RERG: variants seen among roughly 807,000 people sequenced by gnomAD.
The protein encoded by RERG is ras-related and estrogen-regulated growth inhibitor.
A neutral mutation model predicts 23.2 loss-of-function variants in RERG; 25 were observed. That is an observed-to-expected ratio of 1.08 (90% CI 0.79 to 1.50). The LOEUF is 1.50. RERG is among the 40% of genes most tolerant of loss of function. RERG has a pLI of 0.00. For missense variants in RERG, 253 were observed against 250.1 expected (o/e 1.01, Z -0.08); for synonymous variants, 81 against 89.1 (o/e 0.91, Z 0.51).
intron 2 of RERG, among the ~76,000 whole-genome samples, chr12:15,123,407 C>T (rs1863873680): frequency 6.6e-6 from 1 of 150,820 alleles, no homozygotes; most frequent in Admixed American, 6.6e-5. Context: ...GGCAAAAGAA[C>T]TCTAGAGTGC....
Position 15,110,325 on chromosome 12 carries a change from A to AT in RERG, c.193-809_193-808insA, listed in dbSNP as rs1433816152. Among the ~76,000 whole-genome samples the AT allele has an allele frequency of 4.6e-5, 7 of 152,266 alleles. No individual in the cohort carries two copies. In the East Asian group the frequency reaches 9.6e-4, roughly 21 times the overall value. ...TAAGTAGGTGGTGATGAGATGGAAA[A>AT]GTGGAAAAGTGGGTAATTCATTTCA... On this transcript the variant is annotated intron_variant, in intron 4 of 4. Transcript: ENST00000256953.
chr12:15,203,239 T>C lies in RERG; in HGVS notation c.61+14190A>G, dbSNP rs1287178309. ...TAAAATTAACCCTTTATCAAACATA[T>C]GGTTTGCAAATATTCTCCCCCATTT... On this transcript the variant is annotated intron_variant, in intron 2 of 4. Transcript: ENST00000256953. 3.3e-5 allele frequency among the ~76,000 whole-genome samples: 5 copies of C among 151,754 alleles called. No individual in the cohort carries two copies. In the East Asian group the frequency reaches 9.6e-4, roughly 29 times the overall value.
chr12:15,173,841 C>A (rs1024442140), intron 2 of RERG, among the ~76,000 whole-genome samples: 1 of 151,634 alleles, frequency 6.6e-6, no homozygotes, highest in South Asian at 2.1e-4. Flanking sequence ...CCCTGATAAA[C>A]TCATTTATAA....
chr12:15,193,029 G>A (rs944368936), intron 2 of RERG, among the ~76,000 whole-genome samples: 13 of 151,962 alleles, frequency 8.6e-5, no homozygotes, highest in Non-Finnish European at 1.5e-4. Flanking sequence ...TCTTTGTAAT[G>A]AATAAATATT....
Position 15,121,097 on chromosome 12 carries a change from G to C in RERG, c.84C>G (p.Thr28=). 6.2e-7 allele frequency: 1 copy of C among 1,613,248 alleles called. No homozygotes were observed. ...GATCATATTCCCAGATGAACCGTTT[G>C]GTCAGAAATCTCACTACAAGAGCTG... ...GKSALVVRFL[T]KRFIWEYDPT... Residue 28 remains threonine, a synonymous_variant, in exon 3 of 5, where the codon ACC becomes ACG. Transcript: ENST00000256953.
intron 2 of RERG, among the ~76,000 whole-genome samples, chr12:15,131,424 T>C (rs975956950): frequency 3.9e-5 from 6 of 152,172 alleles, no homozygotes; most frequent in Admixed American, 2.0e-4. Context: ...ACAGAATTAT[T>C]TGTAAGGTAT....
At chr12:15,170,535 C>T (rs1438665641) in intron 2 of RERG, among the ~76,000 whole-genome samples, 2 of 152,158 alleles carry the variant, frequency 1.3e-5, no homozygotes, top group Non-Finnish European at 2.9e-5. Context: ...TACAAACATG[C>T]AGAGGCCAGT....
intron 2 of RERG, among the ~76,000 whole-genome samples, chr12:15,195,577 GT>G (rs1865132910): frequency 7.7e-6 from 1 of 129,678 alleles, no homozygotes; most frequent in Non-Finnish European, 1.7e-5. Flanking sequence ...GTGTGTGTGT[GT>G]GTGTGTGTGT....
At chr12:15,140,922 C>G (rs1203815309) in intron 2 of RERG, among the ~76,000 whole-genome samples, 1 of 152,032 alleles carries the variant, frequency 6.6e-6, no homozygotes, top group East Asian at 1.9e-4. Flanking sequence ...GTTCTCTGAG[C>G]TTTTAGATGT....
At chr12:15,206,528 C>T (rs1191726880) in intron 2 of RERG, among the ~76,000 whole-genome samples, 1 of 152,122 alleles carries the variant, frequency 6.6e-6, no homozygotes, top group Non-Finnish European at 1.5e-5. Context: ...CCTAGACTAG[C>T]AGCATCAGCA....
chr12:15,182,541 A>G (rs548423268), intron 2 of RERG, among the ~76,000 whole-genome samples: 1 of 152,326 alleles, frequency 6.6e-6, no homozygotes, highest in Non-Finnish European at 1.5e-5. Flanking sequence ...TATAAAGTAC[A>G]GATCTTATTT....
At chr12:15,140,772 T>C (rs776133220) in intron 2 of RERG, among the ~76,000 whole-genome samples, 39 of 152,278 alleles carry the variant, frequency 2.6e-4, no homozygotes, top group Admixed American at 5.9e-4. Flanking sequence ...TATGTAATTC[T>C]TATACTTGCT....
intron 2 of RERG, among the ~76,000 whole-genome samples, chr12:15,176,839 A>G (rs992296709): frequency 1.3e-5 from 2 of 152,202 alleles, no homozygotes; most frequent in African/African-American, 4.8e-5. Context: ...GAAATGCGTT[A>G]TTTTCAAATA....
chr12:15,139,085 A>G (rs1239719397), intron 2 of RERG, among the ~76,000 whole-genome samples: 1 of 116,686 alleles, frequency 8.6e-6, no homozygotes, highest in Non-Finnish European at 1.8e-5. Context: ...TTAAAAAGCT[A>G]TTCTTTCTAC....
intron 3 of RERG, 74 bp from the exon 4 acceptor site, chr12:15,111,491 A>T: frequency 8.4e-7 from 1 of 1,190,028 alleles, no homozygotes; most frequent in Non-Finnish European, 1.2e-6. Context: ...TAAAACTGAA[A>T]ATGGGCATGG....
At chr12:15,198,292 T>C (rs534601872) in intron 2 of RERG, among the ~76,000 whole-genome samples, 7 of 152,098 alleles carry the variant, frequency 4.6e-5, no homozygotes, top group Non-Finnish European at 8.8e-5. Context: ...AGGCCATGCC[T>C]AACCCAAGTG....
At chr12:15,161,393 A>C (rs1042413578) in intron 2 of RERG, among the ~76,000 whole-genome samples, 1 of 152,170 alleles carries the variant, frequency 6.6e-6, no homozygotes, top group Non-Finnish European at 1.5e-5. Flanking sequence ...GGTCCTCTCC[A>C]GTCTCAGGAA....
intron 2 of RERG, among the ~76,000 whole-genome samples, chr12:15,142,703 A>G (rs958658097): frequency 1.3e-5 from 2 of 152,020 alleles, no homozygotes; most frequent in African/African-American, 2.4e-5. Context: ...GAGAAGAGAG[A>G]GGGGGGGTAG....
intron 2 of RERG, among the ~76,000 whole-genome samples, chr12:15,167,092 C>T (rs74379359): frequency 1.6e-3 from 250 of 152,256 alleles, no homozygotes; most frequent in African/African-American, 5.9e-3. Flanking sequence ...GCAGAGGGTA[C>T]ATTTTCTTAC....
Sources: gnomAD v4.1 joint callset for allele counts (sites outside exome capture counted in the v4.1 genomes callset) on GRCh38, gnomAD v4.1.1 for gene constraint, MANE v1.5 for transcripts, NCBI Gene and HGNC (gene_info 2026-07-23, HGNC 2026-07-21) for gene names.